CFAP54: variants seen among roughly 807,000 people sequenced by gnomAD.
CFAP54 encodes cilia and flagella associated protein 54, also known as cilia- and flagella-associated protein 54.
In CFAP54, 290 loss-of-function variants were observed where a neutral mutation model predicts 370.4. That is an observed-to-expected ratio of 0.78 (90% CI 0.71 to 0.86). The LOEUF (loss-of-function observed/expected upper bound fraction) is 0.86, where lower values mean the gene tolerates loss of function less well. CFAP54 is among the 40% of genes least tolerant of loss of function. CFAP54 has a pLI of 0.00. For synonymous variants in CFAP54, 1,206 were observed against 1,236.5 expected (o/e 0.98, Z 0.52); for missense variants, 3,399 against 3,528.7 (o/e 0.96, Z 0.93).
intron 2 of CFAP54, among the ~76,000 whole-genome samples, chr12:96,503,373 T>G: frequency 1.6e-5 from 2 of 124,554 alleles, no homozygotes; most frequent in Middle Eastern, 5.6e-3. Context: ...CTCTCTCCCT[T>G]CCCTCCTTCC....
intron 9 of CFAP54, among the ~76,000 whole-genome samples, chr12:96,528,362 A>G (rs1004169028): frequency 2.0e-4 from 30 of 151,838 alleles, no homozygotes; most frequent in Non-Finnish European, 1.3e-4. Flanking sequence ...GATTTTATGG[A>G]TTGCTTATTT....
chr12:96,820,085 G>A (rs983703743), intron 65 of CFAP54, among the ~76,000 whole-genome samples: 7 of 152,264 alleles, frequency 4.6e-5, no homozygotes, highest in Admixed American at 4.6e-4. Flanking sequence ...GAGCCCTTAG[G>A]AGCTTATGGT....
intron 55 of CFAP54, 133 bp downstream of exon 55, chr12:96,744,279 A>G: frequency 1.2e-6 from 1 of 800,590 alleles, no homozygotes. Flanking sequence ...TTATTTAACC[A>G]ATAGTTTTTG....
At chr12:96,500,811 G>A (rs576058708) in intron 1 of CFAP54, 23 bp from the exon 2 acceptor site, 9 of 1,488,948 alleles carry the variant, frequency 6.0e-6, no homozygotes, top group South Asian at 2.5e-5. Context: ...TGACAATGTC[G>A]TTTTATTTTA....
chr12:96,503,925 C>A lies in CFAP54; in HGVS notation c.463C>A (p.Leu155Ile). 1 of 1,521,152 alleles carries A rather than the reference C, an allele frequency of 6.6e-7. No individual in the cohort carries two copies. Among genetic ancestry groups the A allele is most frequent in the African/African-American group, 1.4e-5 (1 of 72,486 alleles). The allele number at this position is 1,521,152 out of a possible 1,614,324, so 94.2% of individuals were successfully genotyped here. ...LALLQCYGRY[L>I]QQFNTNFDEN... ...CCTTTTACAATGCTATGGAAGATAT[C>A]TTCAGCAGTTCAATACCAATTTTGA... The change falls in exon 3 of 68, where the codon CTT becomes ATT. Residue 155 changes from leucine (L) to isoleucine (I), a missense_variant. Leu to Ile is a conservative substitution (Grantham distance 5, BLOSUM62 2). Transcript: ENST00000524981.
At chr12:96,689,394 C>T (rs550527226) in intron 43 of CFAP54, among the ~76,000 whole-genome samples, 23 of 152,272 alleles carry the variant, frequency 1.5e-4, no homozygotes, top group African/African-American at 4.6e-4. Context: ...CTCCTGACCT[C>T]AGGTGATCCA....
chr12:96,510,252 CAAAAAAA>C (rs199654204), intron 4 of CFAP54, among the ~76,000 whole-genome samples: 3 of 88,432 alleles, frequency 3.4e-5, no homozygotes, highest in Non-Finnish European at 7.3e-5. Flanking sequence ...GACTCCATCT[CAAAAAAA>C]AAAAAAAAAA....
intron 15 of CFAP54, among the ~76,000 whole-genome samples, chr12:96,553,263 A>T (rs1421624567): frequency 6.6e-6 from 1 of 152,190 alleles, no homozygotes; most frequent in African/African-American, 2.4e-5. Flanking sequence ...ACCAGCAGGA[A>T]TAAGTTTCAA....
At chr12:96,869,757 G>A (rs1414843112) in intron 67 of CFAP54, among the ~76,000 whole-genome samples, 1 of 151,718 alleles carries the variant, frequency 6.6e-6, no homozygotes, top group African/African-American at 2.4e-5. Context: ...CCAACATGGC[G>A]AAACCCTGTC....
intron 66 of CFAP54, among the ~76,000 whole-genome samples, chr12:96,848,893 C>A (rs751923478): frequency 6.6e-6 from 1 of 152,192 alleles, no homozygotes; most frequent in Non-Finnish European, 1.5e-5. Flanking sequence ...CTGTTACCTT[C>A]CTGAGAGTTG....
At chr12:96,663,994 T>G in intron 39 of CFAP54, 62 bp downstream of exon 39, 1 of 1,225,022 alleles carries the variant, frequency 8.2e-7, no homozygotes, top group Non-Finnish European at 1.2e-6. Context: ...CATTGTGTTC[T>G]GCATGTCAAA....
chr12:96,731,113 A>G (rs898137295), intron 50 of CFAP54, among the ~76,000 whole-genome samples: 1 of 152,208 alleles, frequency 6.6e-6, no homozygotes, highest in Non-Finnish European at 1.5e-5. Context: ...AGCAACAATG[A>G]TAAGACTTCT....
At chr12:96,767,515 C>T (rs975566027) in intron 60 of CFAP54, among the ~76,000 whole-genome samples, 14 of 152,242 alleles carry the variant, frequency 9.2e-5, no homozygotes, top group African/African-American at 2.9e-4. Context: ...ATTTTAACTA[C>T]GAAATTACCA....
chr12:96,527,303 G>C lies in CFAP54; in HGVS notation c.1216G>C (p.Ala406Pro). ...RLLDEMFDST[A>P]SQFLAVLEAL... The stretch of plus-strand genomic sequence containing the variant: ...ACTGGATGAGATGTTTGATAGCACT[G>C]CATCCCAGTTTCTGGCTGTCTTGGA... The change falls in exon 9 of 68, where the codon GCA becomes CCA. Residue 406 changes from alanine (A) to proline (P), a missense_variant. Physicochemically the swap from Ala to Pro is conservative, Grantham distance 27 (BLOSUM62 -1). Transcript: ENST00000524981. The C allele has an allele frequency of 6.5e-7, 1 of 1,535,432 alleles. No individual in the cohort carries two copies. Among genetic ancestry groups the C allele is most frequent in the South Asian group, 1.2e-5 (1 of 83,918 alleles).
chr12:96,645,504 C>T lies in CFAP54; in HGVS notation c.4547+1096C>T, dbSNP rs138351372. On this transcript the variant is annotated intron_variant, in intron 33 of 67. Transcript: ENST00000524981. The stretch of plus-strand genomic sequence containing the variant: ...GCTTAGGGATAGGAAGAATCAATAT[C>T]GTGAAAATGGCCATACTGCCTAGGT... The T allele has an allele frequency of 3.7e-3, 587 of 159,140 alleles. 3 individuals carry two copies. The highest frequency in any genetic ancestry group is 0.012 in the African/African-American group (500 of 41,730). The allele number at this position is 159,140 out of a possible 1,614,324, so 9.9% of individuals were successfully genotyped here. A position where few individuals can be genotyped will look rare whatever the true frequency, so the allele number is the denominator to read the frequency against.
At chr12:96,735,414 C>T (rs924103996) in intron 50 of CFAP54, among the ~76,000 whole-genome samples, 6 of 152,148 alleles carry the variant, frequency 3.9e-5, no homozygotes, top group South Asian at 2.1e-4. Context: ...CCAAAAACCT[C>T]GGCAGATACC....
chr12:96,817,645 C>G, intron 64 of CFAP54, 130 bp from the exon 65 acceptor site: 1 of 374,608 alleles, frequency 2.7e-6, no homozygotes, highest in Non-Finnish European at 4.6e-6. Flanking sequence ...TGGTATCAAT[C>G]TCCTGACCTC....
chr12:96,585,903 C>A (rs1592864644), intron 22 of CFAP54, among the ~76,000 whole-genome samples: 2 of 152,154 alleles, frequency 1.3e-5, no homozygotes, highest in East Asian at 3.8e-4. Context: ...AATTTTCCTG[C>A]TGTATGGAGT....
chr12:96,628,482 G>C (rs976380727), intron 30 of CFAP54, among the ~76,000 whole-genome samples: 4 of 152,156 alleles, frequency 2.6e-5, no homozygotes, highest in African/African-American at 9.7e-5. Context: ...ACCAGGTCAA[G>C]CACCCTGGTA....
Sources: allele counts gnomAD v4.1 joint callset (sites outside exome capture counted in the v4.1 genomes callset), GRCh38; gene constraint gnomAD v4.1.1; transcripts MANE v1.5; gene names NCBI Gene and HGNC (gene_info 2026-07-23, HGNC 2026-07-21).